ATP8A2: variants seen among roughly 807,000 people sequenced by gnomAD.
The protein encoded by ATP8A2 is phospholipid-transporting ATPase IB.
A neutral mutation model predicts 165.6 loss-of-function variants in ATP8A2; 100 were observed. That is an observed-to-expected ratio of 0.60 (90% confidence interval 0.51 to 0.71). The LOEUF is 0.71. ATP8A2 is among the 30% of genes least tolerant of loss of function. The pLI is 0.00. For synonymous variants in ATP8A2, 543 were observed against 548.8 expected, an observed-to-expected ratio of 0.99 and a Z score of 0.15; for missense variants, 1,227 against 1,479.5, an observed-to-expected ratio of 0.83 and a Z score of 2.80.
At chr13:25,940,019 C>T (rs560496909) in intron 33 of ATP8A2, among the ~76,000 whole-genome samples, 36 of 152,228 alleles carry the variant, frequency 2.4e-4, no homozygotes, top group Non-Finnish European at 1.2e-4. Context: ...CCACGTTTGG[C>T]GAAACGTGAA....
At chr13:25,439,947 T>C (rs2034886680) in intron 1 of ATP8A2, among the ~76,000 whole-genome samples, 1 of 152,072 alleles carries the variant, frequency 6.6e-6, no homozygotes, top group Non-Finnish European at 1.5e-5. Flanking sequence ...AGTTATCATA[T>C]TGAGAGGTCA....
chr13:25,960,925 T>G (rs936148463), intron 33 of ATP8A2, among the ~76,000 whole-genome samples: 3 of 152,210 alleles, frequency 2.0e-5, no homozygotes, highest in African/African-American at 7.2e-5. Flanking sequence ...TCTACCCATC[T>G]CTAGCTACTG....
intron 25 of ATP8A2, among the ~76,000 whole-genome samples, chr13:25,701,894 C>T (rs150242032): frequency 1.1e-3 from 170 of 152,130 alleles, no homozygotes; most frequent in African/African-American, 3.8e-3. Context: ...AAATTAAATA[C>T]TGTTACAGTC....
intron 19 of ATP8A2, among the ~76,000 whole-genome samples, chr13:25,575,977 A>G (rs571395860): frequency 6.6e-6 from 1 of 152,280 alleles, no homozygotes; most frequent in South Asian, 2.1e-4. Context: ...ATAAGAAAGA[A>G]CAGAAAGATA....
intron 33 of ATP8A2, among the ~76,000 whole-genome samples, chr13:25,895,375 A>G (rs572588158): frequency 4.0e-4 from 60 of 151,042 alleles, no homozygotes; most frequent in Non-Finnish European, 7.8e-4. Flanking sequence ...GCATCCCAGG[A>G]ATGAAGCCCA....
chr13:25,607,846 G>A (rs1409346814), intron 24 of ATP8A2, among the ~76,000 whole-genome samples: 1 of 152,042 alleles, frequency 6.6e-6, no homozygotes, highest in Non-Finnish European at 1.5e-5. Context: ...ATCATGCAGA[G>A]GTTTATTATA....
At chr13:25,776,368 A>C (rs2044741969) in intron 27 of ATP8A2, among the ~76,000 whole-genome samples, 1 of 152,228 alleles carries the variant, frequency 6.6e-6, no homozygotes, top group African/African-American at 2.4e-5. Flanking sequence ...CTGTCTGCTT[A>C]AGTGTATTTC....
chr13:25,737,964 G>A (rs536231370), intron 25 of ATP8A2, among the ~76,000 whole-genome samples: 3 of 152,164 alleles, frequency 2.0e-5, no homozygotes, highest in Admixed American at 6.5e-5. Flanking sequence ...GATTACAGGC[G>A]TGAGCCATCA....
chr13:25,803,219 G>A (rs1950658344), intron 27 of ATP8A2, among the ~76,000 whole-genome samples: 3 of 152,118 alleles, frequency 2.0e-5, no homozygotes, highest in South Asian at 2.1e-4. Flanking sequence ...TTATGTATTC[G>A]TAGTTAAATG....
rs1236512609 is a variant in ATP8A2, at chr13:25,586,380, A to C, written c.2147-3255A>C. Among the ~76,000 whole-genome samples, 4 of 152,076 alleles carry C rather than the reference A, an allele frequency of 2.6e-5. No homozygotes were observed. The East Asian group carries it at 7.7e-4, about 29-fold the overall frequency. The stretch of plus-strand genomic sequence containing the variant: ...CAACGTGGGGAGAAGCCGTGAGGTG[A>C]GGTTGAGGGAGCATGTTCTTCTGTG... On this transcript the variant is annotated intron_variant, in intron 23 of 36. Transcript: ENST00000381655.
At chr13:25,425,293 A>G (rs530693056) in intron 1 of ATP8A2, among the ~76,000 whole-genome samples, 24 of 152,074 alleles carry the variant, frequency 1.6e-4, no homozygotes, top group African/African-American at 5.5e-4. Context: ...CTCAAGATCA[A>G]TTTGCTCCTA....
intron 25 of ATP8A2, among the ~76,000 whole-genome samples, chr13:25,735,997 C>G (rs1276460478): frequency 2.0e-5 from 3 of 152,140 alleles, no homozygotes; most frequent in Non-Finnish European, 4.4e-5. Flanking sequence ...CATATTTTTA[C>G]CATACGTTTT....
Position 25,513,633 on chromosome 13 carries a change from C to G in ATP8A2, c.222-16366C>G, listed in dbSNP as rs537113922. On this transcript the variant is annotated intron_variant, in intron 2 of 36. Coordinates refer to ENST00000381655, the MANE Select transcript of ATP8A2 (RefSeq NM_016529.6). ...CTGGGAGGTGGAGGTTGTAGCGAGC[C>G]GAGATCACGCCACTGCACTCCAGCC... is the stretch of plus-strand genomic sequence containing the variant. 9.8e-3 allele frequency among the ~76,000 whole-genome samples: 1,489 copies of G among 152,014 alleles called. 27 individuals are homozygous for G. Among genetic ancestry groups the G allele is most frequent in the African/African-American group, 0.034 (1,397 of 41,454 alleles).
At chr13:25,998,180 C>T (rs1374041627) in intron 35 of ATP8A2, among the ~76,000 whole-genome samples, 2 of 152,210 alleles carry the variant, frequency 1.3e-5, no homozygotes, top group African/African-American at 2.4e-5. Context: ...TCTGACATCA[C>T]CCAGTGAAGA....
intron 2 of ATP8A2, among the ~76,000 whole-genome samples, chr13:25,469,982 C>T (rs570500170): frequency 2.6e-5 from 4 of 152,328 alleles, no homozygotes; most frequent in Admixed American, 2.6e-4. Flanking sequence ...GAACACCATG[C>T]TTGGGTGTAG....
chr13:25,830,084 C>A lies in ATP8A2; in HGVS notation c.2754+1892C>A, dbSNP rs78017418. Among the ~76,000 whole-genome samples, 1,051 of 151,240 alleles carry A rather than the reference C, an allele frequency of 6.9e-3. 30 individuals carry two copies. In the East Asian group the frequency reaches 0.099, roughly 14 times the overall value. ...AGTGCAGTGGTGCCATCACTACTCA[C>A]TGTATCCTTGACCTCCCTGGCTCAA... On this transcript the variant is annotated intron_variant, in intron 28 of 36. Transcript: ENST00000381655.
chr13:25,920,410 C>G (rs1352736905), intron 33 of ATP8A2, among the ~76,000 whole-genome samples: 2 of 152,216 alleles, frequency 1.3e-5, no homozygotes, highest in Non-Finnish European at 2.9e-5. Flanking sequence ...TTAACACACA[C>G]ACACACATCC....
chr13:25,784,022 C>T (rs2044956748), intron 27 of ATP8A2, among the ~76,000 whole-genome samples: 1 of 152,022 alleles, frequency 6.6e-6, no homozygotes, highest in Non-Finnish European at 1.5e-5. Context: ...GGAGGGATTC[C>T]CTACAAGATA....
chr13:25,396,077 C>T (rs1213158606), intron 1 of ATP8A2, among the ~76,000 whole-genome samples: 5 of 152,146 alleles, frequency 3.3e-5, no homozygotes, highest in African/African-American at 9.7e-5. Flanking sequence ...CTCCTGACCT[C>T]GTGGTCTGCC....
Sources: gnomAD v4.1 joint callset for allele counts (sites outside exome capture counted in the v4.1 genomes callset) on GRCh38, gnomAD v4.1.1 for gene constraint, MANE v1.5 for transcripts, NCBI Gene and HGNC (gene_info 2026-07-23, HGNC 2026-07-21) for gene names.